Variants in GRM7 observed in about 807,000 individuals in gnomAD.
GRM7 encodes the protein glutamate metabotropic receptor 7.
In GRM7, 35 loss-of-function variants were observed where a neutral mutation model predicts 84.5. That is an observed-to-expected ratio of 0.41 (90% confidence interval 0.32 to 0.55). GRM7 has a LOEUF of 0.55. Among genes scored for constraint, GRM7 ranks in the 20% least tolerant of loss-of-function variants. The pLI, the probability that GRM7 is intolerant of heterozygous loss-of-function variation, is 0.19. For synonymous variants in GRM7, 487 were observed against 455.1 expected, an observed-to-expected ratio of 1.07 and a Z score of -0.89; for missense variants, 1,003 against 1,194.6, an observed-to-expected ratio of 0.84 and a Z score of 2.36.
chr3:7,300,609 G>T (rs1051358962), intron 3 of GRM7, among the ~76,000 whole-genome samples: 1 of 151,940 alleles, frequency 6.6e-6, no homozygotes, highest in Non-Finnish European at 1.5e-5. Context: ...GCTACTGTAG[G>T]CACACTGCCG....
chr3:7,164,494 T>C (rs912201021), intron 2 of GRM7, among the ~76,000 whole-genome samples: 7 of 152,230 alleles, frequency 4.6e-5, no homozygotes, highest in African/African-American at 1.7e-4. Context: ...TTGTCACTCA[T>C]ACCTTGAACC....
intron 4 of GRM7, among the ~76,000 whole-genome samples, chr3:7,398,802 G>GT (rs1287545960): frequency 6.6e-6 from 1 of 152,040 alleles, no homozygotes; most frequent in African/African-American, 2.4e-5. Context: ...TTGGGGCCCT[G>GT]TTTGAGTGCT....
intron 1 of GRM7, among the ~76,000 whole-genome samples, chr3:6,983,868 C>G (rs1694299642): frequency 6.6e-6 from 1 of 151,664 alleles, no homozygotes; most frequent in Admixed American, 6.6e-5. Context: ...AGATATCTAA[C>G]AGTATCTTTA....
At chr3:7,607,123 T>C (rs1696615808) in intron 8 of GRM7, 1 of 152,216 alleles carries the variant, frequency 6.6e-6, no homozygotes, top group Non-Finnish European at 1.5e-5. Flanking sequence ...TGCTCTTTCA[T>C]ATGTGGAACA....
chr3:7,204,492 T>A (rs1177786421), intron 2 of GRM7, among the ~76,000 whole-genome samples: 1 of 152,102 alleles, frequency 6.6e-6, no homozygotes, highest in Non-Finnish European at 1.5e-5. Context: ...CTGAGTCCAT[T>A]GTGGACAAAG....
intron 5 of GRM7, among the ~76,000 whole-genome samples, chr3:7,419,334 A>T (rs1334971457): frequency 6.6e-6 from 1 of 152,110 alleles, no homozygotes; most frequent in Non-Finnish European, 1.5e-5. Context: ...TTGGACACAG[A>T]GTGTGTATCC....
intron 2 of GRM7, among the ~76,000 whole-genome samples, chr3:7,290,314 G>A (rs549856362): frequency 5.9e-4 from 90 of 152,246 alleles, no homozygotes; most frequent in African/African-American, 1.9e-3. Flanking sequence ...AAATGGAAGC[G>A]TTGTTCTAAG....
Position 7,059,166 on chromosome 3 carries a change from CAT to C in GRM7, c.520-87275_520-87274del, listed in dbSNP as rs139586052. Among the ~76,000 whole-genome samples, 13 of 151,376 alleles carry C rather than the reference CAT, an allele frequency of 8.6e-5. 1 individual carries two copies. Among genetic ancestry groups the C allele is most frequent in the Admixed American group, 4.0e-4 (6 of 15,142 alleles). On this transcript the variant is annotated intron_variant, in intron 1 of 9. Coordinates refer to ENST00000357716, the MANE Select transcript of GRM7 (RefSeq NM_000844.4). ...AGAGGATCCCCTACTTTACATTTTA[CAT>C]ATATATATATGTATTACACATATAT...
chr3:7,362,373 T>C (rs1023725848), intron 4 of GRM7, among the ~76,000 whole-genome samples: 1 of 151,920 alleles, frequency 6.6e-6, no homozygotes, highest in Non-Finnish European at 1.5e-5. Flanking sequence ...TTTGTCAAAA[T>C]TCAAAACGAG....
intron 6 of GRM7, among the ~76,000 whole-genome samples, chr3:7,453,956 C>T (rs1318325129): frequency 1.3e-5 from 2 of 152,098 alleles, no homozygotes; most frequent in African/African-American, 2.4e-5. Context: ...TAGAATGCTG[C>T]CTTGGGCTGG....
At chr3:7,304,847 C>T (rs1407586759) in intron 3 of GRM7, among the ~76,000 whole-genome samples, 2 of 152,038 alleles carry the variant, frequency 1.3e-5, no homozygotes, top group Non-Finnish European at 2.9e-5. Flanking sequence ...CTCCACCTCA[C>T]ACATTTCCTT....
chr3:7,455,179 A>T (rs983555336), intron 6 of GRM7, among the ~76,000 whole-genome samples: 2 of 152,196 alleles, frequency 1.3e-5, no homozygotes, highest in African/African-American at 4.8e-5. Flanking sequence ...ATATCAGTAA[A>T]CACTTGAACT....
At chr3:7,294,103 G>T (rs1005406231) in intron 2 of GRM7, among the ~76,000 whole-genome samples, 1 of 152,096 alleles carries the variant, frequency 6.6e-6, no homozygotes, top group African/African-American at 2.4e-5. Context: ...GCAATTCCCC[G>T]TAAGAGGGGA....
intron 9 of GRM7, among the ~76,000 whole-genome samples, chr3:7,706,924 G>T (rs972964861): frequency 6.6e-6 from 1 of 152,106 alleles, no homozygotes; most frequent in Non-Finnish European, 1.5e-5. Context: ...AGCAAAGATC[G>T]TCTCCAAGGA....
intron 1 of GRM7, among the ~76,000 whole-genome samples, chr3:7,141,815 T>C (rs1351559109): frequency 2.0e-5 from 3 of 152,154 alleles, no homozygotes; most frequent in Non-Finnish European, 2.9e-5. Context: ...AGATGTTCTT[T>C]TCTGTCATTA....
At chr3:7,628,158 TAG>T (rs1241116087) in intron 8 of GRM7, among the ~76,000 whole-genome samples, 2 of 152,302 alleles carry the variant, frequency 1.3e-5, no homozygotes, top group African/African-American at 4.8e-5. Flanking sequence ...TAAAGATATT[TAG>T]AGTCTTCTTC....
Position 7,600,851 on chromosome 3 carries a change from T to G in GRM7, c.2451+21494T>G, listed in dbSNP as rs145783259. 1.3e-4 allele frequency among the ~76,000 whole-genome samples: 20 copies of G among 152,290 alleles called. 1 individual carries two copies. The East Asian group carries it at 3.7e-3, about 28-fold the overall frequency. On this transcript the variant is annotated intron_variant, in intron 8 of 9. Coordinates refer to ENST00000357716, the MANE Select transcript of GRM7 (RefSeq NM_000844.4). ...GCACAGTTATTTTATTGCTATTTTG[T>G]ATGCAAATCTCTTGCTAAAGTTATT...
At chr3:6,913,287 T>C (rs1053073135) in intron 1 of GRM7, among the ~76,000 whole-genome samples, 4 of 152,218 alleles carry the variant, frequency 2.6e-5, no homozygotes, top group African/African-American at 9.6e-5. Flanking sequence ...ATATCCAATC[T>C]GCAAAATTTA....
chr3:7,318,909 T>C (rs1323613330), intron 4 of GRM7, among the ~76,000 whole-genome samples: 1 of 152,076 alleles, frequency 6.6e-6, no homozygotes, highest in African/African-American at 2.4e-5. Flanking sequence ...GCTGACTGCT[T>C]TTTTCTCTGA....
Sources: allele counts gnomAD v4.1 joint callset (sites outside exome capture counted in the v4.1 genomes callset), GRCh38; gene constraint gnomAD v4.1.1; transcripts MANE v1.5; gene names NCBI Gene and HGNC (gene_info 2026-07-23, HGNC 2026-07-21).